The following FSD2 variants were observed in gnomAD, a reference collection of about 807,000 sequenced individuals.
FSD2 encodes fibronectin type III and SPRY domain-containing protein 2.
A neutral mutation model predicts 80.4 loss-of-function variants in FSD2; 71 were observed. The ratio of observed to expected loss-of-function variants is 0.88; its 90% CI spans 0.73 to 1.08. The LOEUF (loss-of-function observed/expected upper bound fraction) is 1.08, where lower values mean the gene tolerates loss of function less well. Ranked by LOEUF, FSD2 falls within the 50% of genes least tolerant of loss-of-function variation. FSD2 has a pLI of 0.00. For missense variants in FSD2, 923 were observed against 913.8 expected (o/e 1.01, Z -0.13); for synonymous variants, 361 against 329.5 (o/e 1.10, Z -1.03).
At position 82,794,461 on chromosome 15, in the gene FSD2, G is replaced by C. The variant is rs112169159; in HGVS notation, c.-78-6993C>G. On this transcript the variant is annotated intron_variant, in intron 1 of 12. Coordinates refer to ENST00000334574, the MANE Select transcript of FSD2 (RefSeq NM_001007122.4). ...GAAGAATGTGTATTCTGCTTCTGCT[G>C]TTGTTGAGTAGAGTGTTAATATAGA... 1.0e-2 allele frequency among the ~76,000 whole-genome samples: 1,516 copies of C among 152,254 alleles called. 21 individuals are homozygous for C. Among genetic ancestry groups the C allele is most frequent in the African/African-American group, 0.034 (1,393 of 41,544 alleles).
At chr15:82,801,929 G>GAGGT (rs902010804) in intron 1 of FSD2, among the ~76,000 whole-genome samples, 1 of 152,218 alleles carries the variant, frequency 6.6e-6, no homozygotes, top group African/African-American at 2.4e-5. Flanking sequence ...AGGATGAGTG[G>GAGGT]AGGTAGGTTT....
intron 6 of FSD2, 31 bp downstream of exon 6, chr15:82,778,735 C>T: frequency 1.9e-6 from 3 of 1,572,070 alleles, no homozygotes; most frequent in Non-Finnish European, 2.6e-6. Flanking sequence ...GTAGTCTGAA[C>T]CTGCCGCGAA....
chr15:82,787,166 G>C lies in FSD2; in HGVS notation c.225C>G (p.Val75=). 6.2e-7 allele frequency: 1 copy of C among 1,613,920 alleles called. No individual in the cohort carries two copies. The highest frequency in any genetic ancestry group is 8.5e-7 in the Non-Finnish European group (1 of 1,179,878). The change falls in exon 2 of 13, where the codon GTC becomes GTG. Residue 75 remains valine, a synonymous_variant. Coordinates refer to ENST00000334574, the MANE Select transcript of FSD2 (RefSeq NM_001007122.4). ...RDLQEEVDEL[V]HLYGLEDDHE... is the part of the protein sequence containing the mutation. The stretch of plus-strand genomic sequence containing the variant: ...GATCATCTTCAAGTCCATATAAGTG[G>C]ACAAGTTCATCCACTTCCTCTTGAA...
chr15:82,759,016 T>C lies in FSD2; in HGVS notation c.*332A>G, dbSNP rs2049227049. 4.4e-6 allele frequency: 1 copy of C among 229,120 alleles called. No homozygotes were observed. Among genetic ancestry groups the C allele is most frequent in the South Asian group, 6.8e-5 (1 of 14,600 alleles). The allele number at this position is 229,120 out of a possible 1,614,324, so 14.2% of individuals were successfully genotyped here. On this transcript the variant is annotated 3_prime_UTR_variant, in exon 13 of 13. Transcript: ENST00000334574. ...GGAGCCATTAAGACTACCCTCGTCC[T>C]CTCCCAAGCTCTCTAGGTCTTGGAA...
At chr15:82,780,337 C>CTTTTT in intron 4 of FSD2, 70 bp from the exon 5 acceptor site, 4 of 887,300 alleles carry the variant, frequency 4.5e-6, no homozygotes, top group Admixed American at 3.3e-5. Flanking sequence ...TTCTTTCTTT[C>CTTTTT]TTTTTTTTTT....
At chr15:82,778,703 A>C in intron 6 of FSD2, 63 bp downstream of exon 6, 1 of 1,518,758 alleles carries the variant, frequency 6.6e-7, no homozygotes, top group East Asian at 2.4e-5. Flanking sequence ...TGTTCTCATC[A>C]CAAGAAAGAA....
chr15:82,772,591 CAAA>C (rs1567304946), intron 6 of FSD2, among the ~76,000 whole-genome samples: 1 of 151,882 alleles, frequency 6.6e-6, no homozygotes, highest in Non-Finnish European at 1.5e-5. Context: ...TCAGCAGAGA[CAAA>C]GAAGCCTTCA....
intron 3 of FSD2, among the ~76,000 whole-genome samples, chr15:82,785,904 A>AC (rs1485331161): frequency 2.0e-5 from 3 of 152,192 alleles, no homozygotes; most frequent in African/African-American, 7.2e-5. Flanking sequence ...CCCCAAAAAA[A>AC]GAGGTCCAAA....
intron 12 of FSD2, among the ~76,000 whole-genome samples, chr15:82,761,665 T>C (rs188011738): frequency 1.3e-5 from 2 of 150,870 alleles, no homozygotes; most frequent in East Asian, 3.9e-4. Flanking sequence ...TTTTATTTTA[T>C]TTTATTTTTT....
At position 82,798,873 on chromosome 15, in the gene FSD2, G is replaced by GTTTTTTTTTTTTTTTTTTTTTT. The variant is rs149986626; in HGVS notation, c.-79+7092_-79+7093insAAAAAAAAAAAAAAAAAAAAAA. 7.2e-5 allele frequency among the ~76,000 whole-genome samples: 8 copies of GTTTTTTTTTTTTTTTTTTTTTT among 111,472 alleles called. 2 individuals carry two copies. Among genetic ancestry groups the GTTTTTTTTTTTTTTTTTTTTTT allele is most frequent in the African/African-American group, 1.5e-4 (4 of 27,286 alleles). The allele number at this position is 111,472 out of a possible 152,430, so 73.1% of individuals were successfully genotyped here. ...AAGTTTTCTTTCCACTATCTCCACT[G>GTTTTTTTTTTTTTTTTTTTTTT]TTTTGTTTTTTTTTTTTTTTTTGAG... On this transcript the variant is annotated intron_variant, in intron 1 of 12. Transcript: ENST00000334574.
chr15:82,800,614 C>T (rs2151543570), intron 1 of FSD2, among the ~76,000 whole-genome samples: 1 of 142,106 alleles, frequency 7.0e-6, no homozygotes, highest in Non-Finnish European at 1.5e-5. Flanking sequence ...ATCGCTTGAA[C>T]CTGGAAGGCA....
intron 6 of FSD2, among the ~76,000 whole-genome samples, chr15:82,778,106 G>GA (rs537915303): frequency 1.2e-3 from 81 of 65,364 alleles, no homozygotes; most frequent in Middle Eastern, 9.4e-3. Flanking sequence ...CCCTGTCTCT[G>GA]AAAAAAAAAC....
Position 82,787,475 on chromosome 15 carries a change from CA to C in FSD2, c.-78-8del. 7.5e-7 allele frequency: 1 copy of C among 1,340,874 alleles called. No individual in the cohort carries two copies. Among genetic ancestry groups the C allele is most frequent in the Non-Finnish European group, 1.0e-6 (1 of 983,014 alleles). 83.1% of individuals were successfully genotyped at this position (1,340,874 alleles called of 1,614,324 possible). A position where few individuals can be genotyped will look rare whatever the true frequency, so the allele number is the denominator to read the frequency against. On this transcript the variant is annotated splice_polypyrimidine_tract_variant and splice_region_variant and intron_variant, in intron 1 of 12. Coordinates refer to ENST00000334574, the MANE Select transcript of FSD2 (RefSeq NM_001007122.4). ...AATAGTGAATATCTGGGCCCTGGAA[CA>C]CAAAAGGAGGAGGAAAATCATTTCT...
At chr15:82,788,959 A>G (rs1191493256) in intron 1 of FSD2, among the ~76,000 whole-genome samples, 1 of 150,934 alleles carries the variant, frequency 6.6e-6, no homozygotes, top group Non-Finnish European at 1.5e-5. Flanking sequence ...AGCCTGGGCG[A>G]CAGAGCAAGA....
At chr15:82,771,474 C>T (rs1286982190) in intron 7 of FSD2, among the ~76,000 whole-genome samples, 1 of 152,190 alleles carries the variant, frequency 6.6e-6, no homozygotes, top group East Asian at 1.9e-4. Flanking sequence ...GTATGGGGGG[C>T]CCTACCCCAG....
intron 1 of FSD2, among the ~76,000 whole-genome samples, chr15:82,798,873 G>GTTT (rs149986626): frequency 0.11 from 12,155 of 110,890 alleles, 1,535 homozygotes; most frequent in Admixed American, 0.14. Flanking sequence ...TATCTCCACT[G>GTTT]TTTTGTTTTT....
rs181504252 is a variant in FSD2, at chr15:82,787,093, C to T, written c.298G>A (p.Val100Ile). 1,593 of 1,614,002 alleles carry T rather than the reference C, an allele frequency of 9.9e-4. No individual in the cohort carries two copies. Among genetic ancestry groups the T allele is most frequent in the Non-Finnish European group, 1.2e-3 (1,446 of 1,179,902 alleles). The stretch of plus-strand genomic sequence containing the variant: ...ATCATATAAGGAGGATATTCTGAAA[C>T]CCCTGTTCTGGGTATGTTTTCATCA... ...FVDENIPRTG[V>I]SEYPPYMMKR... The change falls in exon 2 of 13, where the codon GTT becomes ATT. Residue 100 changes from valine (V) to isoleucine (I), a missense_variant. Val to Ile is a conservative substitution (Grantham distance 29). Coordinates refer to ENST00000334574, the MANE Select transcript of FSD2 (RefSeq NM_001007122.4).
intron 8 of FSD2, 119 bp downstream of exon 8, chr15:82,769,631 T>G (rs909021322): frequency 2.4e-6 from 3 of 1,228,096 alleles, no homozygotes. Context: ...AAGAAAAAAA[T>G]GTACACAGCT....
At chr15:82,781,914 A>G (rs2049866187) in intron 4 of FSD2, among the ~76,000 whole-genome samples, 1 of 151,082 alleles carries the variant, frequency 6.6e-6, no homozygotes, top group African/African-American at 2.4e-5. Context: ...AAATACAAAA[A>G]TTAGCTGGGC....
Sources: gnomAD v4.1 joint callset for allele counts (sites outside exome capture counted in the v4.1 genomes callset) on GRCh38, gnomAD v4.1.1 for gene constraint, MANE v1.5 for transcripts, NCBI Gene and HGNC (gene_info 2026-07-23, HGNC 2026-07-21) for gene names.